GRIA4: variants seen among roughly 807,000 people sequenced by gnomAD.
GRIA4 encodes glutamate ionotropic receptor AMPA type subunit 4, also known as glutamate receptor 4.
In GRIA4, 34 loss-of-function variants were observed where a neutral mutation model predicts 104.0. The ratio of observed to expected loss-of-function variants is 0.33; its 90% CI spans 0.25 to 0.44. The LOEUF (loss-of-function observed/expected upper bound fraction) is 0.44, where lower values mean the gene tolerates loss of function less well. Ranked by LOEUF, GRIA4 falls within the 20% of genes least tolerant of loss-of-function variation. The pLI is 1.00. For synonymous variants in GRIA4, 386 were observed against 381.9 expected (o/e 1.01, Z -0.13); for missense variants, 750 against 1,096.5 (o/e 0.68, Z 4.46).
intron 3 of GRIA4, among the ~76,000 whole-genome samples, chr11:105,680,782 G>A (rs1245490576): frequency 1.3e-5 from 2 of 152,154 alleles, no homozygotes; most frequent in African/African-American, 2.4e-5. Context: ...CTATGAGACT[G>A]TGGGGAGTGA....
chr11:105,894,222 A>G (rs547859879), intron 6 of GRIA4, among the ~76,000 whole-genome samples: 1 of 152,294 alleles, frequency 6.6e-6, no homozygotes, highest in South Asian at 2.1e-4. Context: ...TATGATAATT[A>G]ATAAAATTTA....
At chr11:105,610,873 T>TTTTTTC (rs1950458094) in intron 1 of GRIA4, 35 bp from the exon 2 acceptor site, 5 of 13,674 alleles carry the variant, frequency 3.7e-4, no homozygotes, top group African/African-American at 1.4e-3. Flanking sequence ...TTCTTTTCTT[T>TTTTTTC]TTTTTTTTTT....
intron 4 of GRIA4, among the ~76,000 whole-genome samples, chr11:105,798,606 C>T (rs1942588781): frequency 6.6e-6 from 1 of 152,062 alleles, no homozygotes; most frequent in Non-Finnish European, 1.5e-5. Flanking sequence ...TGGACAGAGA[C>T]ACAGAGGCCG....
At chr11:105,640,532 C>T (rs985575381) in intron 3 of GRIA4, among the ~76,000 whole-genome samples, 1 of 151,420 alleles carries the variant, frequency 6.6e-6, no homozygotes, top group African/African-American at 2.4e-5. Context: ...AGGCATTTTC[C>T]CATTGGATAT....
At chr11:105,766,721 CCAGTGGCTTCCTAG>C (rs1223105719) in intron 4 of GRIA4, among the ~76,000 whole-genome samples, 5 of 151,994 alleles carry the variant, frequency 3.3e-5, no homozygotes, top group Non-Finnish European at 5.9e-5. Flanking sequence ...TTGAAGCTGC[CCAGTGGCTTCCTAG>C]CTCATTCAGT....
intron 4 of GRIA4, among the ~76,000 whole-genome samples, chr11:105,857,012 C>T (rs532096719): frequency 8.0e-4 from 121 of 152,124 alleles, no homozygotes; most frequent in Non-Finnish European, 2.4e-4. Context: ...TTAGTATGCC[C>T]TTTTTGAACT....
At chr11:105,723,099 G>C (rs950012767) in intron 3 of GRIA4, among the ~76,000 whole-genome samples, 81 of 152,084 alleles carry the variant, frequency 5.3e-4, no homozygotes, top group African/African-American at 1.8e-3. Flanking sequence ...GTAGACCGCT[G>C]GCTAAAAAGG....
At chr11:105,933,663 G>C in intron 13 of GRIA4, 59 bp from the exon 14 acceptor site, 4 of 1,279,244 alleles carry the variant, frequency 3.1e-6, no homozygotes, top group Non-Finnish European at 4.3e-6. Context: ...TTGGTTCAGC[G>C]AATATTAACA....
chr11:105,876,656 T>G (rs1456721910), intron 5 of GRIA4, among the ~76,000 whole-genome samples: 1 of 152,210 alleles, frequency 6.6e-6, no homozygotes. Flanking sequence ...TTGATCCCTT[T>G]ACCATTATGT....
At chr11:105,674,328 TGA>T (rs1952467608) in intron 3 of GRIA4, among the ~76,000 whole-genome samples, 2 of 151,840 alleles carry the variant, frequency 1.3e-5, no homozygotes, top group African/African-American at 4.8e-5. Flanking sequence ...ATGATTTGTG[TGA>T]GAGAGTTGCA....
At chr11:105,852,919 T>C (rs1944869557) in intron 4 of GRIA4, among the ~76,000 whole-genome samples, 1 of 148,720 alleles carries the variant, frequency 6.7e-6, no homozygotes, top group African/African-American at 2.5e-5. Flanking sequence ...CCAAAATGAA[T>C]GGTTTTGGCT....
chr11:105,778,573 C>T (rs1049452321), intron 4 of GRIA4, among the ~76,000 whole-genome samples: 2 of 152,044 alleles, frequency 1.3e-5, no homozygotes, highest in Non-Finnish European at 2.9e-5. Context: ...GGTGTGATGG[C>T]GTGCACCTGT....
chr11:105,793,757 G>A (rs1012306379), intron 4 of GRIA4, among the ~76,000 whole-genome samples: 16 of 152,232 alleles, frequency 1.1e-4, no homozygotes, highest in Admixed American at 6.6e-4. Context: ...CAATACACAG[G>A]CAGAGAATGT....
At chr11:105,651,357 A>G (rs1267453236) in intron 3 of GRIA4, among the ~76,000 whole-genome samples, 4 of 119,774 alleles carry the variant, frequency 3.3e-5, no homozygotes, top group Non-Finnish European at 5.7e-5. Flanking sequence ...TGATTCCCAA[A>G]CCTGCATTAG....
In GRIA4 at chr11:105,638,205, A is replaced by G. The variant is rs1036250857; in HGVS notation, c.247+25771A>G. Among the ~76,000 whole-genome samples the G allele has an allele frequency of 1.6e-4, 25 of 152,252 alleles. 1 individual carries two copies. Among genetic ancestry groups the G allele is most frequent in the African/African-American group, 6.0e-4 (25 of 41,560 alleles). On this transcript the variant is annotated intron_variant, in intron 3 of 16. Transcript: ENST00000282499. Reference sequence around the variant, plus strand: ...CCCAAAGTTGTCAGCTGGAACACTAATGGAAGCCATGCATGGTGATTGATG... The same window carrying G: ...CCCAAAGTTGTCAGCTGGAACACTAGTGGAAGCCATGCATGGTGATTGATG...
intron 4 of GRIA4, among the ~76,000 whole-genome samples, chr11:105,767,878 C>G (rs1385691389): frequency 6.6e-6 from 1 of 152,082 alleles, no homozygotes; most frequent in Non-Finnish European, 1.5e-5. Context: ...AATCTGTGCC[C>G]TTAACCACAA....
intron 3 of GRIA4, among the ~76,000 whole-genome samples, chr11:105,736,348 T>C (rs1938944671): frequency 6.6e-6 from 1 of 152,200 alleles, no homozygotes; most frequent in Admixed American, 6.6e-5. Context: ...ATGAGAGCCA[T>C]ATTGAAAGAA....
chr11:105,866,970 T>C (rs1945442225), intron 5 of GRIA4, among the ~76,000 whole-genome samples: 5 of 152,084 alleles, frequency 3.3e-5, no homozygotes. Flanking sequence ...GAGAAAAATG[T>C]CTCTACAGTT....
chr11:105,806,185 A>C (rs888863661), intron 4 of GRIA4, among the ~76,000 whole-genome samples: 1 of 151,930 alleles, frequency 6.6e-6, no homozygotes, highest in Non-Finnish European at 1.5e-5. Context: ...AATATCCTAC[A>C]AAATGACAAT....
Sources: allele counts gnomAD v4.1 joint callset (sites outside exome capture counted in the v4.1 genomes callset), GRCh38; gene constraint gnomAD v4.1.1; transcripts MANE v1.5; gene names NCBI Gene and HGNC (gene_info 2026-07-23, HGNC 2026-07-21).